Variants in WDR93 observed in about 807,000 individuals in gnomAD.
The protein encoded by WDR93 is WD repeat domain 93.
In WDR93, 73 loss-of-function variants were observed where a neutral mutation model predicts 82.9. That is an observed-to-expected ratio of 0.88 (90% confidence interval 0.73 to 1.07). The LOEUF (loss-of-function observed/expected upper bound fraction) is 1.07. Among genes scored for constraint, WDR93 ranks in the 50% least tolerant of loss-of-function variants. The pLI, the probability that WDR93 is intolerant of heterozygous loss-of-function variation, is 0.00. For missense variants in WDR93, 738 were observed against 826.0 expected (o/e 0.89, Z 1.31); for synonymous variants, 283 against 300.1 (o/e 0.94, Z 0.59).
intron 14 of WDR93, among the ~76,000 whole-genome samples, 189 bp from the exon 15 acceptor site, chr15:89,737,384 C>T (rs1967287446): frequency 6.6e-6 from 1 of 152,178 alleles, no homozygotes; most frequent in Non-Finnish European, 1.5e-5. Flanking sequence ...GGTCTGTTGG[C>T]TGAGGGGGAC....
intron 8 of WDR93, among the ~76,000 whole-genome samples, chr15:89,726,143 T>A (rs950591513): frequency 6.6e-6 from 1 of 152,214 alleles, no homozygotes; most frequent in African/African-American, 2.4e-5. Flanking sequence ...GGAGAACTCA[T>A]TAAAACCCAG....
chr15:89,727,111 G>C (rs747879489), intron 8 of WDR93, 46 bp from the exon 9 acceptor site: 23 of 1,588,226 alleles, frequency 1.4e-5, no homozygotes, highest in African/African-American at 5.4e-5. Flanking sequence ...AATCAGGAAA[G>C]GGGGAGTCAC....
At chr15:89,729,367 G>A (rs1966842063) in intron 10 of WDR93, among the ~76,000 whole-genome samples, 1 of 152,138 alleles carries the variant, frequency 6.6e-6, no homozygotes, top group Non-Finnish European at 1.5e-5. Flanking sequence ...TTCTGGATAT[G>A]AGTTTGTCTT....
chr15:89,701,915 T>C lies in WDR93; in HGVS notation c.169T>C (p.Tyr57His). The change falls in exon 2 of 17, where the codon TAT becomes CAT. Residue 57 changes from tyrosine (Y) to histidine (H), a missense_variant. By Grantham distance (83) the Tyr-to-His change is moderately conservative. Coordinates refer to ENST00000268130, the MANE Select transcript of WDR93 (RefSeq NM_020212.2). ...GGAGCTGGATTCCTTGCCTCAGCCTTATCGAATGATCAACAAGCTGGTGAA... is the reference window on the plus strand; with the variant it reads ...GGAGCTGGATTCCTTGCCTCAGCCTCATCGAATGATCAACAAGCTGGTGAA... ...DEELDSLPQP[Y>H]RMINKLVNLL... 6.2e-7 allele frequency: 1 copy of C among 1,614,184 alleles called. No homozygotes were observed. Among genetic ancestry groups the C allele is most frequent in the Non-Finnish European group, 8.5e-7 (1 of 1,180,032 alleles).
intron 8 of WDR93, among the ~76,000 whole-genome samples, chr15:89,725,915 A>C (rs1395256825): frequency 1.3e-5 from 2 of 151,924 alleles, no homozygotes; most frequent in African/African-American, 4.8e-5. Flanking sequence ...CTTTATAATA[A>C]CTCATTAAGG....
chr15:89,731,354 G>A, intron 11 of WDR93, 89 bp from the exon 12 acceptor site: 1 of 1,570,242 alleles, frequency 6.4e-7, no homozygotes, highest in Non-Finnish European at 8.7e-7. Context: ...TGAACAGGCA[G>A]ACCAGTCTGA....
At chr15:89,698,782 T>C (rs1965310995) in intron 1 of WDR93, among the ~76,000 whole-genome samples, 1 of 152,180 alleles carries the variant, frequency 6.6e-6, no homozygotes, top group Non-Finnish European at 1.5e-5. Context: ...TAAATATCTT[T>C]TAAAGAGATT....
At chr15:89,732,069 G>C (rs1335609207) in intron 12 of WDR93, among the ~76,000 whole-genome samples, 1 of 152,218 alleles carries the variant, frequency 6.6e-6, no homozygotes, top group East Asian at 1.9e-4. Flanking sequence ...TTGAGTTCTA[G>C]GGTCCTGGGT....
chr15:89,720,537 C>T (rs531257130), intron 7 of WDR93, among the ~76,000 whole-genome samples: 9 of 152,312 alleles, frequency 5.9e-5, no homozygotes, highest in Non-Finnish European at 1.3e-4. Flanking sequence ...TCCCAAAGTG[C>T]TGGAATTATA....
rs541710221 is a variant in WDR93, at chr15:89,711,525, C to CAAA, written c.562-486_562-484dup. On this transcript the variant is annotated intron_variant, in intron 4 of 16. Coordinates refer to ENST00000268130, the MANE Select transcript of WDR93 (RefSeq NM_020212.2). ...AAAATTTTTAAAAATTAGCGAGTCT[C>CAAA]AAAAAAAAAAAAAAAAAGATAGCAT... is the stretch of plus-strand genomic sequence containing the variant. Among the ~76,000 whole-genome samples, 459 of 132,174 alleles carry CAAA rather than the reference C, an allele frequency of 3.5e-3. 4 individuals carry two copies. The highest frequency in any genetic ancestry group is 6.1e-3 in the African/African-American group (219 of 36,106). The allele number at this position is 132,174 out of a possible 152,430, so 86.7% of individuals were successfully genotyped here.
chr15:89,723,454 AC>A (rs1307977143), intron 8 of WDR93, among the ~76,000 whole-genome samples: 3 of 151,944 alleles, frequency 2.0e-5, no homozygotes, highest in African/African-American at 7.3e-5. Context: ...ATCAAGAACA[AC>A]CCCCCGAAAA....
At chr15:89,724,427 AG>A (rs1966651481) in intron 8 of WDR93, among the ~76,000 whole-genome samples, 1 of 151,620 alleles carries the variant, frequency 6.6e-6, no homozygotes, top group Non-Finnish European at 1.5e-5. Flanking sequence ...AGACACAAAA[AG>A]TACTTACAAT....
At position 89,701,960 on chromosome 15, in the gene WDR93, T is replaced by C. The variant is rs1965487917; in HGVS notation, c.214T>C (p.Trp72Arg). The change falls in exon 2 of 17, where the codon TGG becomes CGG. Residue 72 changes from tryptophan to arginine, a missense_variant. Trp to Arg is a moderately radical substitution (Grantham distance 101, BLOSUM62 -3). Transcript: ENST00000268130. ...GGTGAACCTTCTGTTTGACCAGTCTTGGGAAATTATTGAAGAGAGAAACGC... is the reference window on the plus strand; with the variant it reads ...GGTGAACCTTCTGTTTGACCAGTCTCGGGAAATTATTGAAGAGAGAAACGC... Reference protein sequence around the residue: ...KLVNLLFDQSWEIIEERNALR... With the variant: ...KLVNLLFDQSREIIEERNALR... The C allele has an allele frequency of 6.2e-7, 1 of 1,613,980 alleles. No homozygotes were observed. The highest frequency in any genetic ancestry group is 1.7e-5 in the Admixed American group (1 of 60,010).
chr15:89,694,530 C>T (rs61313047), intron 1 of WDR93, among the ~76,000 whole-genome samples: 4 of 152,100 alleles, frequency 2.6e-5, no homozygotes, highest in Non-Finnish European at 4.4e-5. Flanking sequence ...CCACTGCACC[C>T]GGCCGGGTTA....
At chr15:89,727,603 A>G (rs1471433870) in intron 9 of WDR93, among the ~76,000 whole-genome samples, 1 of 152,210 alleles carries the variant, frequency 6.6e-6, no homozygotes, top group Non-Finnish European at 1.5e-5. Flanking sequence ...TTTTGAGCGA[A>G]CATCAGCAGA....
chr15:89,710,140 A>G (rs1024480872), intron 4 of WDR93, among the ~76,000 whole-genome samples: 2 of 152,270 alleles, frequency 1.3e-5, no homozygotes, highest in African/African-American at 4.8e-5. Flanking sequence ...AGCTTGGACG[A>G]CAGAGTGAGA....
chr15:89,699,886 A>G (rs547485974), intron 1 of WDR93, among the ~76,000 whole-genome samples: 2 of 152,250 alleles, frequency 1.3e-5, no homozygotes, highest in East Asian at 3.9e-4. Context: ...GCTAATTCTA[A>G]TATCTTTATT....
At chr15:89,740,354 A>C (rs966097463) in intron 16 of WDR93, among the ~76,000 whole-genome samples, 2 of 152,138 alleles carry the variant, frequency 1.3e-5, no homozygotes, top group East Asian at 3.9e-4. Context: ...CCGGAGGGAA[A>C]TGTGCCTATT....
chr15:89,703,152 T>C lies in WDR93; in HGVS notation c.496+10T>C, dbSNP rs554068777. On this transcript the variant is annotated intron_variant, in intron 3 of 16. Transcript: ENST00000268130. Reference sequence around the variant, plus strand: ...CCTGTGGATGAAATGGGTATTGTTCTTCATCTTCCTTTTTAGCCTCATTTA... The same window carrying C: ...CCTGTGGATGAAATGGGTATTGTTCCTCATCTTCCTTTTTAGCCTCATTTA... 1.9e-6 allele frequency: 3 copies of C among 1,613,948 alleles called. No homozygotes were observed. The Admixed American group carries it at 5.0e-5, about 27-fold the overall frequency.
Sources: gnomAD v4.1 joint callset for allele counts (sites outside exome capture counted in the v4.1 genomes callset) on GRCh38, gnomAD v4.1.1 for gene constraint, MANE v1.5 for transcripts, NCBI Gene and HGNC (gene_info 2026-07-23, HGNC 2026-07-21) for gene names.